Variants in PCDHGA12 observed in about 807,000 individuals in gnomAD.
PCDHGA12 encodes the protein protocadherin gamma subfamily A, 12.
A neutral mutation model predicts 61.1 loss-of-function variants in PCDHGA12; 43 were observed. The ratio of observed to expected loss-of-function variants is 0.70; its 90% CI spans 0.55 to 0.91. The LOEUF (loss-of-function observed/expected upper bound fraction) is 0.91. PCDHGA12 is among the 40% of genes least tolerant of loss of function. The pLI is 0.00. For missense variants in PCDHGA12, 1,236 were observed against 1,227.7 expected, an observed-to-expected ratio of 1.01 and a Z score of -0.10; for synonymous variants, 520 against 542.9, an observed-to-expected ratio of 0.96 and a Z score of 0.59.
chr5:141,477,878 C>A lies in PCDHGA12; in HGVS notation c.2425-16929C>A. ...GCTGCCTCGAGGTACCTCAGCTGGC[C>A]ACCTAGTGTCACGGGTGGTAGGCTG... is the stretch of plus-strand genomic sequence containing the variant. On this transcript the variant is annotated intron_variant, in intron 1 of 3. Transcript: ENST00000252085. The surrounding 1 kb of genome is among the most constrained non-coding windows in gnomAD (Gnocchi z 4.9). 1.2e-6 allele frequency: 2 copies of A among 1,614,158 alleles called. No individual in the cohort carries two copies. Among genetic ancestry groups the A allele is most frequent in the Non-Finnish European group, 1.7e-6 (2 of 1,180,008 alleles).
rs1307889557 is a variant in PCDHGA12, at chr5:141,486,267, C to G, written c.2425-8540C>G. On this transcript the variant is annotated intron_variant, in intron 1 of 3. Transcript: ENST00000252085. The surrounding 1 kb of genome is among the most constrained non-coding windows in gnomAD (Gnocchi z 5.0). ...GGAACCCTCCCCGAGAGTGCAGAAC[C>G]TGGCACTGTGGTGGCACTTATCAGT... 1 of 1,614,128 alleles carries G rather than the reference C, an allele frequency of 6.2e-7. No homozygotes were observed. Among genetic ancestry groups the G allele is most frequent in the South Asian group, 1.1e-5 (1 of 91,072 alleles).
Position 141,476,140 on chromosome 5 carries a change from C to G in PCDHGA12, c.2425-18667C>G. On this transcript the variant is annotated intron_variant, in intron 1 of 3. Coordinates refer to ENST00000252085, the MANE Select transcript of PCDHGA12 (RefSeq NM_003735.3). This position sits in a 1 kb window ranked among gnomAD's most constrained non-coding sequence, Gnocchi z 7.6. ...AGATGGTCCCAGAGGCCTGGAGGAGCGGACTGGTAAGCACCGGGAGGGTAG... is the reference window on the plus strand; with the variant it reads ...AGATGGTCCCAGAGGCCTGGAGGAGGGGACTGGTAAGCACCGGGAGGGTAG... The G allele has an allele frequency of 2.5e-6, 4 of 1,609,222 alleles. No individual in the cohort carries two copies. Among genetic ancestry groups the G allele is most frequent in the Non-Finnish European group, 1.7e-6 (2 of 1,178,484 alleles).
chr5:141,502,518 T>C (rs1388007900), intron 2 of PCDHGA12, among the ~76,000 whole-genome samples: 1 of 152,184 alleles, frequency 6.6e-6, no homozygotes, highest in Non-Finnish European at 1.5e-5. Flanking sequence ...CCACTATCAG[T>C]GATGCCGAGT....
At chr5:141,450,998 T>C (rs2098703513) in intron 1 of PCDHGA12, among the ~76,000 whole-genome samples, 1 of 151,696 alleles carries the variant, frequency 6.6e-6, no homozygotes, top group Non-Finnish European at 1.5e-5. Flanking sequence ...CTAATTTTTT[T>C]GTATTTTTTT....
At chr5:141,483,082 C>T (rs2099576709) in intron 1 of PCDHGA12, among the ~76,000 whole-genome samples, 1 of 151,662 alleles carries the variant, frequency 6.6e-6, no homozygotes, top group African/African-American at 2.4e-5. Flanking sequence ...GAGACTCCAT[C>T]TCAAAAAAAA....
rs370299433 is a variant in PCDHGA12 at position 141,476,360 on chromosome 5, G to A, written c.2425-18447G>A. 5.3e-5 allele frequency: 86 copies of A among 1,614,186 alleles called. No homozygotes were observed. The highest frequency in any genetic ancestry group is 6.7e-5 in the Non-Finnish European group (79 of 1,180,042). ...CCGAAGATTCTTTGAGGTGAACCGG[G>A]AGACCGGAGAGATGTTTGTGAACGA... On this transcript the variant is annotated intron_variant, in intron 1 of 3. Transcript: ENST00000252085. This position sits in a 1 kb window ranked among gnomAD's most constrained non-coding sequence, Gnocchi z 7.6.
intron 1 of PCDHGA12, chr5:141,442,380 T>G (rs1235241143): frequency 2.6e-5 from 4 of 152,244 alleles, no homozygotes; most frequent in Non-Finnish European, 4.4e-5. Flanking sequence ...TCCTACCAGG[T>G]GTGTGCTTCT....
chr5:141,432,088 AGACACCAAC>A lies in PCDHGA12; in HGVS notation c.1334_1342del (p.Thr445_Asp447del), dbSNP rs1561857611. 6.2e-7 allele frequency: 1 copy of A among 1,614,148 alleles called. No individual in the cohort carries two copies. Among genetic ancestry groups the A allele is most frequent in the Admixed American group, 1.7e-5 (1 of 60,024 alleles). ...AAACTCATATCTCGCTGAACGTGGC[AGACACCAAC>A]GACAACCCGCCGGTCTTCCCTCAGG... is the stretch of plus-strand genomic sequence containing the variant. On this transcript the variant is annotated inframe_deletion, in exon 1 of 4. Transcript: ENST00000252085. This position sits in a 1 kb window ranked among gnomAD's most constrained non-coding sequence, Gnocchi z 6.0.
chr5:141,477,582 A>G lies in PCDHGA12; in HGVS notation c.2425-17225A>G. On this transcript the variant is annotated intron_variant, in intron 1 of 3. Transcript: ENST00000252085. This position sits in a 1 kb window ranked among gnomAD's most constrained non-coding sequence, Gnocchi z 4.9. Reference sequence around the variant, plus strand: ...GTCTGGGACCCCGACGCCCCGCAGAATGCTCGGCTTTCTTTCTTTCTCTTG... The same window carrying G: ...GTCTGGGACCCCGACGCCCCGCAGAGTGCTCGGCTTTCTTTCTTTCTCTTG... The G allele has an allele frequency of 6.2e-7, 1 of 1,614,190 alleles. No homozygotes were observed.
chr5:141,456,275 G>A (rs1234663731), intron 1 of PCDHGA12, among the ~76,000 whole-genome samples: 1 of 152,142 alleles, frequency 6.6e-6, no homozygotes, highest in Non-Finnish European at 1.5e-5. Flanking sequence ...GCTACTTCCT[G>A]CTGAAAAGGG....
chr5:141,452,968 A>G (rs1028716079), intron 1 of PCDHGA12, among the ~76,000 whole-genome samples: 3 of 152,210 alleles, frequency 2.0e-5, no homozygotes, highest in Non-Finnish European at 4.4e-5. Flanking sequence ...AACTGAGGGT[A>G]TATTGTCAAA....
chr5:141,484,374 T>C (rs1261372490), intron 1 of PCDHGA12, among the ~76,000 whole-genome samples: 1 of 152,186 alleles, frequency 6.6e-6, no homozygotes, highest in Non-Finnish European at 1.5e-5. Context: ...CACTAGCAAA[T>C]GTCTGAATAA....
intron 2 of PCDHGA12, among the ~76,000 whole-genome samples, chr5:141,504,359 A>C (rs988295720): frequency 2.6e-5 from 4 of 152,044 alleles, no homozygotes; most frequent in African/African-American, 9.7e-5. Flanking sequence ...TAGGTGCTTC[A>C]GTAGGAAGCA....
Position 141,476,468 on chromosome 5 carries a change from C to T in PCDHGA12, c.2425-18339C>T. 6.2e-7 allele frequency: 1 copy of T among 1,614,132 alleles called. No homozygotes were observed. Among genetic ancestry groups the T allele is most frequent in the Non-Finnish European group, 8.5e-7 (1 of 1,180,022 alleles). On this transcript the variant is annotated intron_variant, in intron 1 of 3. Coordinates refer to ENST00000252085, the MANE Select transcript of PCDHGA12 (RefSeq NM_003735.3). The surrounding 1 kb of genome is among the most constrained non-coding windows in gnomAD (Gnocchi z 7.6). ...GTTGGTAGTGGAGAACCCGCTGGAG[C>T]TGTTCAGCGTGGAAGTGGTGATCCA...
rs2233600 is a variant in PCDHGA12, at chr5:141,489,134, A to C, written c.2425-5673A>C. 9,827 of 731,232 alleles carry C rather than the reference A, an allele frequency of 0.013. 1,099 individuals are homozygous for C. The East Asian group carries it at 0.25, about 19-fold the overall frequency. The allele number at this position is 731,232 out of a possible 1,614,324, so 45.3% of individuals were successfully genotyped here. A position where few individuals can be genotyped will look rare whatever the true frequency, so the allele number is the denominator to read the frequency against. Reference sequence around the variant, plus strand: ...GGCAAACCTCCGAGCAGTTTTTAAGAGGCTGGAAGGAGACATAAGAGACTT... The same window carrying C: ...GGCAAACCTCCGAGCAGTTTTTAAGCGGCTGGAAGGAGACATAAGAGACTT... On this transcript the variant is annotated intron_variant, in intron 1 of 3. Transcript: ENST00000252085. The surrounding 1 kb of genome is among the most constrained non-coding windows in gnomAD (Gnocchi z 4.5).
At chr5:141,443,317 C>CAA (rs35054295) in intron 1 of PCDHGA12, among the ~76,000 whole-genome samples, 2,546 of 141,926 alleles carry the variant, frequency 0.018, 55 homozygotes, top group African/African-American at 0.052. Flanking sequence ...CCCATCTCTA[C>CAA]AAAAAAAAAA....
chr5:141,510,978 G>A lies in PCDHGA12; in HGVS notation c.2604G>A (p.Gly868=), dbSNP rs2099883535. 1.2e-6 allele frequency: 2 copies of A among 1,614,160 alleles called. No homozygotes were observed. The change falls in exon 4 of 4, where the codon GGG becomes GGA. Residue 868 remains glycine, a synonymous_variant. Transcript: ENST00000252085. The part of the protein sequence containing the change: ...EAADGSSTLG[G]GAGTMGLSAR... Reference sequence around the variant, plus strand: ...CTGATGGGAGCTCCACCCTGGGAGGGGGTGCCGGCACCATGGGATTGAGCG... The same window carrying A: ...CTGATGGGAGCTCCACCCTGGGAGGAGGTGCCGGCACCATGGGATTGAGCG...
At position 141,486,182 on chromosome 5, in the gene PCDHGA12, C is replaced by G. The variant is rs1288782056; in HGVS notation, c.2425-8625C>G. On this transcript the variant is annotated intron_variant, in intron 1 of 3. Transcript: ENST00000252085. This position sits in a 1 kb window ranked among gnomAD's most constrained non-coding sequence, Gnocchi z 5.0. ...AGCCATGGAGCAACATTGCAGCCTT[C>G]GAGTGGATCTGCTGGACGTAAATGA... 1 of 1,614,198 alleles carries G rather than the reference C, an allele frequency of 6.2e-7. No individual in the cohort carries two copies. Among genetic ancestry groups the G allele is most frequent in the Non-Finnish European group, 8.5e-7 (1 of 1,180,028 alleles).
chr5:141,485,260 G>C lies in PCDHGA12; in HGVS notation c.2425-9547G>C. ...TTTACCACCTGGGTTACGTTTGTGG[G>C]CAGATCCGCTACCCGGTCCCAGAGG... is the stretch of plus-strand genomic sequence containing the variant. On this transcript the variant is annotated intron_variant, in intron 1 of 3. Transcript: ENST00000252085. The surrounding 1 kb of genome is among the most constrained non-coding windows in gnomAD (Gnocchi z 5.7). 1 of 1,614,122 alleles carries C rather than the reference G, an allele frequency of 6.2e-7. No homozygotes were observed. The highest frequency in any genetic ancestry group is 8.5e-7 in the Non-Finnish European group (1 of 1,179,966).
Sources: allele counts gnomAD v4.1 joint callset (sites outside exome capture counted in the v4.1 genomes callset), GRCh38; gene constraint gnomAD v4.1.1; non-coding constraint Gnocchi (gnomAD v3.1); transcripts MANE v1.5; gene names NCBI Gene and HGNC (gene_info 2026-07-23, HGNC 2026-07-21).